The following MUC5B variants were observed in gnomAD, a reference collection of about 807,000 sequenced individuals.
The protein encoded by MUC5B is mucin 5B, oligomeric mucus/gel-forming.
MUC5B carries 116 observed loss-of-function variants against 376.9 expected under a neutral mutation model. The observed-to-expected ratio is 0.31, with a 90% CI of 0.26 to 0.36. MUC5B has a LOEUF of 0.36. Ranked by LOEUF, MUC5B falls within the 10% of genes least tolerant of loss-of-function variation. The probability of loss-of-function intolerance (pLI) is 1.00; values close to 1 mark genes in which losing one functional copy is unlikely to be tolerated. For missense variants in MUC5B, 7,165 were observed against 7,769.9 expected (o/e 0.92, Z 2.93); for synonymous variants, 3,517 against 3,390.9 (o/e 1.04, Z -1.29).
chr11:1,236,269 C>T (rs564240464), intron 23 of MUC5B, 117 bp from the exon 24 acceptor site: 25 of 1,006,362 alleles, frequency 2.5e-5, no homozygotes, highest in South Asian at 1.5e-4. Context: ...TAACGCCAGC[C>T]GCTTGTGCTA....
Position 1,244,786 on chromosome 11 carries a change from A to C in MUC5B, c.7906A>C (p.Thr2636Pro). Residue 2636 changes from threonine to proline, a missense_variant, in exon 31 of 49, where the codon ACA becomes CCA. This residue lies in a region of MUC5B where 141 missense variants were observed against 111.2 expected (regional missense o/e 1.27). Transcript: ENST00000529681. ...ACGCACGCTTCCAGTGTGGATCAGC[A>C]CAACCACCACACCCACAACCAGAGG... Reference protein sequence around the residue: ...TARTLPVWISTTTTPTTRGST... With the variant: ...TARTLPVWISPTTTPTTRGST... The C allele has an allele frequency of 1.2e-6, 2 of 1,612,376 alleles. No individual in the cohort carries two copies. The highest frequency in any genetic ancestry group is 1.7e-6 in the Non-Finnish European group (2 of 1,178,958).
At chr11:1,230,655 G>C (rs1290659470) in intron 12 of MUC5B, 55 bp downstream of exon 12, 2 of 1,494,590 alleles carry the variant, frequency 1.3e-6, no homozygotes, top group African/African-American at 1.4e-5. Context: ...GCGAAGGTGT[G>C]TGGGGAGCAA....
chr11:1,249,933 C>G lies in MUC5B; in HGVS notation c.13053C>G (p.Ile4351Met). Residue 4351 changes from isoleucine to methionine, a missense_variant, in exon 31 of 49, where the codon ATC becomes ATG. By Grantham distance (10) the Ile-to-Met change is conservative. This residue lies in a region of MUC5B where 431 missense variants were observed against 390.4 expected (regional missense o/e 1.10). Transcript: ENST00000529681. The part of the protein sequence containing the change: ...TTTPVATMST[I>M]HPSSTPETTH... ...CACCCGTGGCCACCATGTCCACAAT[C>G]CACCCCTCCTCCACTCCGGAGACCA... is the stretch of plus-strand genomic sequence containing the variant. The G allele has an allele frequency of 3.7e-6, 6 of 1,613,440 alleles. No individual in the cohort carries two copies. Among genetic ancestry groups the G allele is most frequent in the East Asian group, 2.2e-5 (1 of 44,838 alleles).
rs1464196765 is a variant in MUC5B at position 1,247,029 on chromosome 11, C to A, written c.10149C>A (p.Thr3383=). The stretch of plus-strand genomic sequence containing the variant: ...CAACACCCTCCTCTAGCACACAGAC[C>A]AGTGGTACTCCCCCATCACTGACCA... ...SMATPSSSTQ[T]SGTPPSLTTT... Residue 3383 remains threonine, a synonymous_variant, in exon 31 of 49, where the codon ACC becomes ACA. Coordinates refer to ENST00000529681, the MANE Select transcript of MUC5B (RefSeq NM_002458.3). 15 of 1,553,028 alleles carry A rather than the reference C, an allele frequency of 9.7e-6. No individual in the cohort carries two copies. Among genetic ancestry groups the A allele is most frequent in the Non-Finnish European group, 1.3e-5 (15 of 1,148,002 alleles).
chr11:1,256,839 G>A, intron 39 of MUC5B, 68 bp downstream of exon 39: 1 of 1,279,252 alleles, frequency 7.8e-7, no homozygotes, highest in Non-Finnish European at 1.1e-6. Context: ...GGTGGGAGGA[G>A]CCGCCCAGGA....
rs760253341 is a variant in MUC5B, at chr11:1,232,749, G to A, written c.2044G>A (p.Asp682Asn). 4.4e-6 allele frequency: 7 copies of A among 1,596,880 alleles called. No individual in the cohort carries two copies. Among genetic ancestry groups the A allele is most frequent in the South Asian group, 1.1e-5 (1 of 89,378 alleles). Residue 682 changes from aspartate to asparagine, a missense_variant, in exon 17 of 49, where the codon GAC becomes AAC. Transcript: ENST00000529681. The part of the protein sequence containing the change: ...ACAAKGVQLS[D>N]WRDGVCTKYM... ...TGCCGCCAAGGGCGTACAGCTCAGC[G>A]ACTGGAGGGACGGCGTCTGCAGTGA...
In MUC5B at chr11:1,255,132, C is replaced by T. The variant is rs760149821; in HGVS notation, c.15756C>T (p.Val5252=). 4 of 1,577,296 alleles carry T rather than the reference C, an allele frequency of 2.5e-6. No homozygotes were observed. The highest frequency in any genetic ancestry group is 3.3e-4 in the Middle Eastern group (2 of 6,018). ...SCKDMAKTWL[V]PDSRKDGCWA... ...AGGACATGGCCAAGACGTGGCTGGT[C>T]CCCGACAGCAGAAAGGATGGCTGCT... is the stretch of plus-strand genomic sequence containing the variant. Residue 5252 remains valine, a synonymous_variant, in exon 36 of 49, where the codon GTC becomes GTT. Transcript: ENST00000529681.
At chr11:1,231,040 G>A (rs781582298) in intron 13 of MUC5B, 35 bp downstream of exon 13, 1 of 1,543,444 alleles carries the variant, frequency 6.5e-7, no homozygotes, top group Non-Finnish European at 8.8e-7. Flanking sequence ...GGGCTGGGTG[G>A]CGCCTGCTTG....
chr11:1,249,979 A>G lies in MUC5B; in HGVS notation c.13099A>G (p.Thr4367Ala). 6.2e-7 allele frequency: 1 copy of G among 1,609,866 alleles called. No individual in the cohort carries two copies. Among genetic ancestry groups the G allele is most frequent in the Non-Finnish European group, 8.5e-7 (1 of 1,178,078 alleles). The change falls in exon 31 of 49, where the codon ACC becomes GCC. Residue 4367 changes from threonine (T) to alanine (A), a missense_variant. Transcript: ENST00000529681. ...GACCACCCACACCTCCACAGTGCTGACCACGAAGGCCACCACGACAAGGGC... is the reference window on the plus strand; with the variant it reads ...GACCACCCACACCTCCACAGTGCTGGCCACGAAGGCCACCACGACAAGGGC... Reference protein sequence around the residue: ...PETTHTSTVLTTKATTTRATS... With the variant: ...PETTHTSTVLATKATTTRATS...
In MUC5B at chr11:1,251,440, A is replaced by T. The variant is rs372504985; in HGVS notation, c.14560A>T (p.Ile4854Leu). ...TTWILTEPST[I>L]ATVMVPTGST... is the part of the protein sequence containing the mutation. ...CTGGATCCTCACAGAGCCGAGCACT[A>T]TAGCCACCGTGATGGTGCCCACCGG... Residue 4854 changes from isoleucine (I) to leucine (L), a missense_variant, in exon 31 of 49, where the codon ATA (isoleucine) becomes TTA (leucine). This residue lies in a region of MUC5B where 730 missense variants were observed against 592.7 expected (regional missense o/e 1.23). Transcript: ENST00000529681. 1.5e-5 allele frequency: 24 copies of T among 1,612,548 alleles called. No individual in the cohort carries two copies. Among genetic ancestry groups the T allele is most frequent in the Non-Finnish European group, 1.5e-5 (18 of 1,179,234 alleles).
rs201116040 is a variant in MUC5B, at chr11:1,247,232, C to T, written c.10352C>T (p.Thr3451Met). Residue 3451 changes from threonine to methionine, a missense_variant, in exon 31 of 49, where the codon ACG becomes ATG. Thr to Met is a moderately conservative substitution (Grantham distance 81, BLOSUM62 -1). Around this residue, in one of 31 missense-constraint regions of MUC5B, gnomAD observed 939 missense variants for 770.6 expected, o/e 1.22. Coordinates refer to ENST00000529681, the MANE Select transcript of MUC5B (RefSeq NM_002458.3). Reference protein sequence around the residue: ...TTHTPPVPNTTATTHGRSLPP... With the variant: ...TTHTPPVPNTMATTHGRSLPP... Reference sequence around the variant, plus strand: ...CACACACCCCCAGTGCCGAACACCACGGCCACCACACACGGGCGGTCCCTG... The same window carrying T: ...CACACACCCCCAGTGCCGAACACCATGGCCACCACACACGGGCGGTCCCTG... 1.0e-2 allele frequency: 15,873 copies of T among 1,593,246 alleles called. 450 individuals are homozygous for T. Among genetic ancestry groups the T allele is most frequent in the African/African-American group, 0.014 (1,029 of 74,136 alleles).
In MUC5B at chr11:1,229,154, A is replaced by G. The variant is rs2471912; in HGVS notation, c.977-16A>G. ...AGGGCCCTTCCCCTGGCCCAGCCCC[A>G]CCTCCTTTTGCGCAGCCCGGACCTG... On this transcript the variant is annotated splice_polypyrimidine_tract_variant and intron_variant, in intron 8 of 48. Coordinates refer to ENST00000529681, the MANE Select transcript of MUC5B (RefSeq NM_002458.3). The G allele has an allele frequency of 0.48, 753,452 of 1,566,268 alleles. 183,635 individuals are homozygous for G. Among genetic ancestry groups the G allele is most frequent in the East Asian group, 0.7 (29,927 of 42,996 alleles).
rs755576137 is a variant in MUC5B at position 1,229,305 on chromosome 11, G to C, written c.1102+10G>C. On this transcript the variant is annotated intron_variant, in intron 9 of 48. Transcript: ENST00000529681. ...TGCTTCTGCCCCCCAGGCAGGTCTTGTGTGCCCTGAACCCCTCAGGGGGCT... is the reference window on the plus strand; with the variant it reads ...TGCTTCTGCCCCCCAGGCAGGTCTTCTGTGCCCTGAACCCCTCAGGGGGCT... 1.3e-6 allele frequency: 2 copies of C among 1,561,940 alleles called. No homozygotes were observed. Among genetic ancestry groups the C allele is most frequent in the Admixed American group, 1.8e-5 (1 of 54,784 alleles).
chr11:1,229,240 C>A lies in MUC5B; in HGVS notation c.1047C>A (p.Pro349=). Residue 349 remains proline (P), a synonymous_variant, in exon 9 of 49, where the codon CCC becomes CCA. Coordinates refer to ENST00000529681, the MANE Select transcript of MUC5B (RefSeq NM_002458.3). ...GSPCTDTCSN[P]QRAQLCEDHC... Reference sequence around the variant, plus strand: ...CCTGCACGGACACCTGCTCCAACCCCCAGCGCGCGCAGCTCTGCGAGGACC... The same window carrying A: ...CCTGCACGGACACCTGCTCCAACCCACAGCGCGCGCAGCTCTGCGAGGACC... 1.3e-6 allele frequency: 2 copies of A among 1,595,528 alleles called. No homozygotes were observed. The highest frequency in any genetic ancestry group is 2.3e-5 in the East Asian group (1 of 43,890).
Position 1,240,917 on chromosome 11 carries a change from G to A in MUC5B, c.4037G>A (p.Gly1346Glu), listed in dbSNP as rs1862266532. 3 of 1,612,958 alleles carry A rather than the reference G, an allele frequency of 1.9e-6. No homozygotes were observed. The highest frequency in any genetic ancestry group is 2.2e-5 in the South Asian group (2 of 91,070). The change falls in exon 31 of 49, where the codon GGG becomes GAG. Residue 1346 changes from glycine (G) to glutamate (E), a missense_variant. This residue lies in a region of MUC5B where 517 missense variants were observed against 545.3 expected (regional missense o/e 0.95). Transcript: ENST00000529681. ...EVCRWSSWYN[G>E]HRPEPGLGGG... ...TGCCGCTGGTCCAGCTGGTACAATG[G>A]GCACCGCCCAGAGCCCGGCCTGGGA...
In MUC5B at chr11:1,235,190, C is replaced by G. The variant is rs1347283629; in HGVS notation, c.2736C>G (p.Ser912Arg). ...HFITFDGDRY[S>R]FEGSCEYILA... ...TCACCTTTGATGGCGATCGCTACAG[C>G]TTTGAAGGCAGCTGCGAGTACATCT... Residue 912 changes from serine to arginine, a missense_variant, in exon 22 of 49, where the codon AGC becomes AGG. Coordinates refer to ENST00000529681, the MANE Select transcript of MUC5B (RefSeq NM_002458.3). 2 of 1,613,102 alleles carry G rather than the reference C, an allele frequency of 1.2e-6. No individual in the cohort carries two copies. Among genetic ancestry groups the G allele is most frequent in the Non-Finnish European group, 8.5e-7 (1 of 1,179,680 alleles).
At chr11:1,260,257 C>T (rs1862962195) in intron 46 of MUC5B, 94 bp from the exon 47 acceptor site, 2 of 1,429,074 alleles carry the variant, frequency 1.4e-6, no homozygotes, top group Non-Finnish European at 1.9e-6. Flanking sequence ...CCCGGGAGGC[C>T]ATGCCCCTGC....
rs370443886 is a variant in MUC5B, at chr11:1,251,494, G to A, written c.14614G>A (p.Gly4872Arg). 1 of 1,613,128 alleles carries A rather than the reference G, an allele frequency of 6.2e-7. No homozygotes were observed. The highest frequency in any genetic ancestry group is 8.5e-7 in the Non-Finnish European group (1 of 1,179,824). The change falls in exon 31 of 49, where the codon GGA (glycine) becomes AGA (arginine). Residue 4872 changes from glycine to arginine, a missense_variant. By Grantham distance (125) the Gly-to-Arg change is moderately radical. Around this residue, in one of 31 missense-constraint regions of MUC5B, gnomAD observed 730 missense variants for 592.7 expected, o/e 1.23. Coordinates refer to ENST00000529681, the MANE Select transcript of MUC5B (RefSeq NM_002458.3). ...CACGGCCACCGCCTCCTCCACTCTG[G>A]GAACAGCTCACACCCCCAAAGTGGT... ...GSTATASSTLGTAHTPKVVTT... is the reference protein window; with the variant it reads ...GSTATASSTLRTAHTPKVVTT...
In MUC5B at chr11:1,251,396, C is replaced by T. The variant is rs375836524; in HGVS notation, c.14516C>T (p.Ser4839Phe). 5.0e-5 allele frequency: 80 copies of T among 1,612,614 alleles called. No individual in the cohort carries two copies. The Admixed American group carries it at 1.3e-3, about 26-fold the overall frequency. ...TAATGSTATL[S>F]STPGTTWILT... Reference sequence around the variant, plus strand: ...GCCACTGGATCCACGGCCACCCTGTCCTCCACCCCAGGGACCACCTGGATC... The same window carrying T: ...GCCACTGGATCCACGGCCACCCTGTTCTCCACCCCAGGGACCACCTGGATC... The change falls in exon 31 of 49, where the codon TCC becomes TTC. Residue 4839 changes from serine (S) to phenylalanine (F), a missense_variant. Ser to Phe is a radical substitution (Grantham distance 155). Around this residue, in one of 31 missense-constraint regions of MUC5B, gnomAD observed 730 missense variants for 592.7 expected, o/e 1.23. Coordinates refer to ENST00000529681, the MANE Select transcript of MUC5B (RefSeq NM_002458.3).
Sources: allele counts gnomAD v4.1 joint callset, GRCh38; gene constraint gnomAD v4.1.1; regional missense constraint gnomAD v4.1.1; transcripts MANE v1.5; gene names NCBI Gene and HGNC (gene_info 2026-07-23, HGNC 2026-07-21).